The following EDIL3 variants were observed in gnomAD, a reference collection of about 807,000 sequenced individuals.
The protein encoded by EDIL3 is EGF-like repeat and discoidin I-like domain-containing protein 3.
Under a neutral mutation model 67.4 loss-of-function variants are expected in EDIL3, and 37 were observed. That is an observed-to-expected ratio of 0.55 (90% confidence interval 0.42 to 0.72). The LOEUF (loss-of-function observed/expected upper bound fraction) is 0.72. EDIL3 is among the 30% of genes least tolerant of loss of function. The pLI is 0.00. For synonymous variants in EDIL3, 195 were observed against 196.3 expected, an observed-to-expected ratio of 0.99 and a Z score of 0.05; for missense variants, 527 against 586.3, an observed-to-expected ratio of 0.90 and a Z score of 1.04.
intron 4 of EDIL3, among the ~76,000 whole-genome samples, chr5:84,158,429 T>C (rs1319520552): frequency 6.6e-6 from 1 of 152,058 alleles, no homozygotes; most frequent in Non-Finnish European, 1.5e-5. Context: ...TCTAAATATG[T>C]CAGCTTTTTC....
At chr5:84,373,476 C>T (rs1747897738) in intron 1 of EDIL3, among the ~76,000 whole-genome samples, 2 of 152,104 alleles carry the variant, frequency 1.3e-5, no homozygotes, top group Admixed American at 6.6e-5. Context: ...CCTTTAAAAC[C>T]CAATTCAACC....
chr5:84,240,765 T>C (rs1025219536), intron 2 of EDIL3, among the ~76,000 whole-genome samples: 5 of 152,138 alleles, frequency 3.3e-5, no homozygotes, highest in Non-Finnish European at 7.3e-5. Context: ...CAGATCCACA[T>C]TACCTTCCTG....
intron 1 of EDIL3, among the ~76,000 whole-genome samples, chr5:84,266,945 A>G (rs1745364691): frequency 6.6e-6 from 1 of 152,210 alleles, no homozygotes; most frequent in African/African-American, 2.4e-5. Flanking sequence ...TATGGGTATT[A>G]TCACATTTAA....
chr5:84,074,333 C>A (rs961471991), intron 6 of EDIL3, among the ~76,000 whole-genome samples: 25 of 151,764 alleles, frequency 1.6e-4, no homozygotes, highest in East Asian at 7.8e-4. Flanking sequence ...GCAACAAAAG[C>A]CAAAATTGAC....
At chr5:83,992,998 C>T (rs6452557) in intron 9 of EDIL3, among the ~76,000 whole-genome samples, 129,758 of 152,062 alleles carry the variant, frequency 0.85, 55,543 homozygotes, top group South Asian at 0.94. Flanking sequence ...GAAGTACCTG[C>T]GGAAGTACAA....
chr5:84,084,773 A>G (rs867800733), intron 6 of EDIL3, among the ~76,000 whole-genome samples: 13 of 152,206 alleles, frequency 8.5e-5, no homozygotes, highest in Non-Finnish European at 1.5e-4. Flanking sequence ...AACAAATTGA[A>G]ACACAAGAAC....
chr5:84,061,030 T>G (rs1293310147), intron 8 of EDIL3, among the ~76,000 whole-genome samples: 1 of 152,186 alleles, frequency 6.6e-6, no homozygotes, highest in East Asian at 1.9e-4. Context: ...CTGATTCTTA[T>G]AGCACCAACA....
intron 9 of EDIL3, among the ~76,000 whole-genome samples, chr5:84,012,178 AAAG>A (rs1167482788): frequency 6.6e-6 from 1 of 152,218 alleles, no homozygotes; most frequent in East Asian, 1.9e-4. Context: ...TAGATGGTGA[AAAG>A]AAGACGTGAT....
chr5:84,301,288 A>AG (rs1746157319), intron 1 of EDIL3, among the ~76,000 whole-genome samples: 2 of 151,852 alleles, frequency 1.3e-5, no homozygotes, highest in South Asian at 4.2e-4. Context: ...AGAAAAAAAA[A>AG]AAAGAAAGAA....
intron 7 of EDIL3, 134 bp downstream of exon 7, chr5:84,066,317 C>T (rs908422185): frequency 1.8e-5 from 17 of 964,038 alleles, no homozygotes; most frequent in Non-Finnish European, 2.3e-5. Flanking sequence ...ATCACACTAG[C>T]CCAATTAAAA....
At chr5:84,313,739 A>G (rs937297343) in intron 1 of EDIL3, among the ~76,000 whole-genome samples, 1 of 152,196 alleles carries the variant, frequency 6.6e-6, no homozygotes, top group South Asian at 2.1e-4. Context: ...ATTAAATCAG[A>G]ATCTCTGTGG....
intron 1 of EDIL3, among the ~76,000 whole-genome samples, chr5:84,278,457 T>A (rs1046536755): frequency 1.6e-4 from 25 of 152,126 alleles, no homozygotes; most frequent in African/African-American, 5.8e-4. Context: ...ACTACCACAT[T>A]ATATGGTAAT....
intron 1 of EDIL3, among the ~76,000 whole-genome samples, chr5:84,278,490 TC>T (rs1256962228): frequency 6.6e-6 from 1 of 152,182 alleles, no homozygotes; most frequent in African/African-American, 2.4e-5. Flanking sequence ...TGATTTCTGA[TC>T]TTCTCATTTT....
intron 1 of EDIL3, among the ~76,000 whole-genome samples, chr5:84,349,302 C>A (rs1158043081): frequency 6.6e-6 from 1 of 152,080 alleles, no homozygotes; most frequent in South Asian, 2.1e-4. Flanking sequence ...TGTTCTCTGG[C>A]CCTGCTTGAC....
At chr5:84,238,503 T>C (rs1744723158) in intron 2 of EDIL3, among the ~76,000 whole-genome samples, 1 of 152,018 alleles carries the variant, frequency 6.6e-6, no homozygotes, top group Admixed American at 6.6e-5. Flanking sequence ...TTTCATGTAG[T>C]TTTAACTCAT....
At chr5:84,198,655 A>G (rs559383907) in intron 3 of EDIL3, among the ~76,000 whole-genome samples, 5 of 152,198 alleles carry the variant, frequency 3.3e-5, no homozygotes, top group African/African-American at 9.6e-5. Context: ...AGCAATTAGC[A>G]CCATAGTTCT....
chr5:84,132,491 T>A (rs1748002698), intron 5 of EDIL3, among the ~76,000 whole-genome samples: 1 of 111,950 alleles, frequency 8.9e-6, no homozygotes, highest in African/African-American at 3.8e-5. Flanking sequence ...TTAATATATA[T>A]TATATATTTT....
chr5:84,269,371 A>G (rs1479786673), intron 1 of EDIL3, among the ~76,000 whole-genome samples: 2 of 152,176 alleles, frequency 1.3e-5, no homozygotes, highest in African/African-American at 4.8e-5. Flanking sequence ...ATCTCTGTGA[A>G]CTTTTACTTG....
chr5:84,047,088 A>C (rs1002331167), intron 9 of EDIL3, among the ~76,000 whole-genome samples: 6 of 152,190 alleles, frequency 3.9e-5, no homozygotes, highest in African/African-American at 1.4e-4. Flanking sequence ...TAATTCAAAA[A>C]GTATAAAGTC....
Sources: allele counts gnomAD v4.1 joint callset (sites outside exome capture counted in the v4.1 genomes callset), GRCh38; gene constraint gnomAD v4.1.1; transcripts MANE v1.5; gene names NCBI Gene and HGNC (gene_info 2026-07-23, HGNC 2026-07-21).